ENOX1: variants seen among roughly 807,000 people sequenced by gnomAD.
ENOX1 encodes the protein ecto-NOX disulfide-thiol exchanger 1, also known as candidate growth-related and time keeping constitutive hydroquinone (NADH) oxidase.
A neutral mutation model predicts 82.5 loss-of-function variants in ENOX1; 42 were observed. That is an observed-to-expected ratio of 0.51 (90% CI 0.40 to 0.66). The LOEUF (loss-of-function observed/expected upper bound fraction) is 0.66. Among genes scored for constraint, ENOX1 ranks in the 30% least tolerant of loss-of-function variants. The probability of loss-of-function intolerance (pLI) is 0.00; values close to 1 mark genes in which losing one functional copy is unlikely to be tolerated. For missense variants in ENOX1, 608 were observed against 811.6 expected (o/e 0.75, Z 3.05); for synonymous variants, 271 against 282.2 (o/e 0.96, Z 0.40).
intron 2 of ENOX1, among the ~76,000 whole-genome samples, chr13:43,654,819 C>T (rs1229697343): frequency 6.6e-6 from 1 of 152,136 alleles, no homozygotes; most frequent in South Asian, 2.1e-4. Flanking sequence ...GTTCCTAAGT[C>T]TTGAGAGATG....
rs2089454318 is a variant in ENOX1, at chr13:43,733,486, C to G, written c.-285+53166G>C. Among the ~76,000 whole-genome samples, 4 of 152,186 alleles carry G rather than the reference C, an allele frequency of 2.6e-5. No homozygotes were observed. The South Asian group carries it at 8.3e-4, about 32-fold the overall frequency. ...CATCAAAAGGCATTAGAGTAAGCCA[C>G]ATCGTATGAGGCGATTTATCCTCAA... On this transcript the variant is annotated intron_variant, in intron 1 of 16. Transcript: ENST00000690772.
chr13:43,369,670 A>C (rs1445537400), intron 5 of ENOX1, among the ~76,000 whole-genome samples: 1 of 152,212 alleles, frequency 6.6e-6, no homozygotes, highest in African/African-American at 2.4e-5. Context: ...GTTTTCCAAA[A>C]TCTGTCTTCT....
At chr13:43,393,836 T>C (rs1014392707) in intron 5 of ENOX1, among the ~76,000 whole-genome samples, 2 of 152,120 alleles carry the variant, frequency 1.3e-5, no homozygotes, top group African/African-American at 4.8e-5. Context: ...TGATCTCCAG[T>C]GTTGGAGGTG....
intron 2 of ENOX1, among the ~76,000 whole-genome samples, chr13:43,643,626 T>TGC (rs1180441044): frequency 6.9e-6 from 1 of 144,328 alleles, no homozygotes; most frequent in Non-Finnish European, 1.5e-5. Flanking sequence ...TGTATGTATG[T>TGC]GTGTGTGTAT....
At chr13:43,550,971 A>T (rs1246624467) in intron 2 of ENOX1, among the ~76,000 whole-genome samples, 1 of 152,206 alleles carries the variant, frequency 6.6e-6, no homozygotes, top group Non-Finnish European at 1.5e-5. Flanking sequence ...CCATATTTAG[A>T]GAGCAAAACC....
At chr13:43,277,034 C>A (rs1165594477) in intron 12 of ENOX1, among the ~76,000 whole-genome samples, 2 of 152,158 alleles carry the variant, frequency 1.3e-5, no homozygotes, top group East Asian at 3.9e-4. Context: ...GGCATGGTGA[C>A]CCCTGGGGGA....
At chr13:43,612,575 A>G (rs1490844296) in intron 2 of ENOX1, among the ~76,000 whole-genome samples, 1 of 152,212 alleles carries the variant, frequency 6.6e-6, no homozygotes, top group Non-Finnish European at 1.5e-5. Flanking sequence ...AAGTAAAGGC[A>G]GACTTCAGGG....
chr13:43,644,201 T>C (rs1291145954), intron 2 of ENOX1, among the ~76,000 whole-genome samples: 1 of 152,214 alleles, frequency 6.6e-6, no homozygotes, highest in African/African-American at 2.4e-5. Context: ...TAACCATCCA[T>C]TCTTTCCTGT....
intron 3 of ENOX1, among the ~76,000 whole-genome samples, chr13:43,462,276 T>A (rs997220): frequency 0.48 from 72,976 of 152,118 alleles, 18,006 homozygotes; most frequent in African/African-American, 0.53. Context: ...TTTCAGAATT[T>A]AAGAATTTCT....
Position 43,728,109 on chromosome 13 carries a change from T to C in ENOX1, c.-285+58543A>G, listed in dbSNP as rs563691396. On this transcript the variant is annotated intron_variant, in intron 1 of 16. Transcript: ENST00000690772. Reference sequence around the variant, plus strand: ...TTATTCTCCTTTGCTCTTTTCTTTTTATCTTTCTTTTCCTTCTTCTCTGGA... The same window carrying C: ...TTATTCTCCTTTGCTCTTTTCTTTTCATCTTTCTTTTCCTTCTTCTCTGGA... Among the ~76,000 whole-genome samples the C allele has an allele frequency of 1.1e-4, 16 of 152,372 alleles. No homozygotes were observed. In the East Asian group the frequency reaches 3.1e-3, roughly 29 times the overall value.
chr13:43,448,579 C>A (rs571821993), intron 3 of ENOX1, among the ~76,000 whole-genome samples: 73 of 152,312 alleles, frequency 4.8e-4, no homozygotes, highest in African/African-American at 1.6e-3. Flanking sequence ...ACAGGAAATG[C>A]AGCAGCACAA....
At chr13:43,362,156 TACACACACACACAC>T (rs10531058) in intron 5 of ENOX1, among the ~76,000 whole-genome samples, 8 of 145,744 alleles carry the variant, frequency 5.5e-5, no homozygotes, top group African/African-American at 1.3e-4. Context: ...TGCCCTGTAT[TACACACACACACAC>T]ACACACACAC....
At chr13:43,277,079 C>T (rs558680207) in intron 12 of ENOX1, among the ~76,000 whole-genome samples, 2 of 152,250 alleles carry the variant, frequency 1.3e-5, no homozygotes, top group South Asian at 2.1e-4. Context: ...ACCATTCAGA[C>T]GACTGATAAC....
At chr13:43,482,307 C>A (rs2058537324) in intron 3 of ENOX1, among the ~76,000 whole-genome samples, 1 of 152,082 alleles carries the variant, frequency 6.6e-6, no homozygotes, top group Non-Finnish European at 1.5e-5. Context: ...TTAAGCCTAA[C>A]AAGGAAAATC....
chr13:43,357,910 T>C (rs898156257), intron 7 of ENOX1, among the ~76,000 whole-genome samples: 2 of 152,122 alleles, frequency 1.3e-5, no homozygotes, highest in Non-Finnish European at 2.9e-5. Context: ...TCCAGTTAAT[T>C]GGCCTTGCAG....
At chr13:43,359,636 A>G (rs1166644140) in intron 7 of ENOX1, 2 of 566,072 alleles carry the variant, frequency 3.5e-6, no homozygotes, top group South Asian at 2.1e-5. Flanking sequence ...TGGAATTCCT[A>G]AAGACTGGAT....
chr13:43,491,516 C>T (rs1052743368), intron 2 of ENOX1, among the ~76,000 whole-genome samples: 2 of 152,186 alleles, frequency 1.3e-5, no homozygotes, highest in African/African-American at 4.8e-5. Context: ...TGCCTGTAAT[C>T]CCAGCACTCT....
rs571776564 is a variant in ENOX1, at chr13:43,497,182, T to C, written c.-218-13030A>G. Among the ~76,000 whole-genome samples, 14 of 152,278 alleles carry C rather than the reference T, an allele frequency of 9.2e-5. No homozygotes were observed. In the East Asian group the frequency reaches 2.5e-3, roughly 27 times the overall value. On this transcript the variant is annotated intron_variant, in intron 2 of 16. Transcript: ENST00000690772. ...TTTTTAGACTCCATAGGATTTTCTA[T>C]ACAATTTTTTAAGTAAATTTTTGAC...
intron 2 of ENOX1, among the ~76,000 whole-genome samples, chr13:43,606,369 T>C (rs2081975721): frequency 6.6e-6 from 1 of 152,182 alleles, no homozygotes; most frequent in Non-Finnish European, 1.5e-5. Context: ...TCATGTTTAT[T>C]GCAGCACTAT....
Sources: allele counts gnomAD v4.1 joint callset (sites outside exome capture counted in the v4.1 genomes callset), GRCh38; gene constraint gnomAD v4.1.1; transcripts MANE v1.5; gene names NCBI Gene and HGNC (gene_info 2026-07-23, HGNC 2026-07-21).